FANCI: variants seen among roughly 807,000 people sequenced by gnomAD.
FANCI encodes the protein FA complementation group I, also known as Fanconi anemia group I protein.
FANCI carries 156 observed loss-of-function variants against 176.1 expected under a neutral mutation model. The ratio of observed to expected loss-of-function variants is 0.89; its 90% CI spans 0.78 to 1.01. The LOEUF (loss-of-function observed/expected upper bound fraction) is 1.01, where lower values mean the gene tolerates loss of function less well. Among genes scored for constraint, FANCI ranks in the 50% least tolerant of loss-of-function variants. FANCI has a pLI of 0.00. For missense variants in FANCI, 1,678 were observed against 1,534.1 expected (o/e 1.09, Z -1.57); for synonymous variants, 613 against 541.7 (o/e 1.13, Z -1.83).
At chr15:89,244,917 T>C (rs1193129551) in intron 1 of FANCI, among the ~76,000 whole-genome samples, 1 of 152,204 alleles carries the variant, frequency 6.6e-6, no homozygotes, top group Non-Finnish European at 1.5e-5. Flanking sequence ...GTTCAATAAT[T>C]TGTTCAACAA....
chr15:89,281,638 A>G (rs2053617992), intron 15 of FANCI, 127 bp from the exon 16 acceptor site: 2 of 921,658 alleles, frequency 2.2e-6, no homozygotes, highest in Non-Finnish European at 3.5e-6. Context: ...ACTGTAATAA[A>G]CATTAAAACG....
rs758397689 is a variant in FANCI, at chr15:89,295,145, C to G, written c.2636+51C>G. On this transcript the variant is annotated intron_variant, in intron 24 of 37. Transcript: ENST00000310775. ...CTTATTCCACTTGGCTGTGGTGTCT[C>G]CAAGAGAACAAACTGGGAACAGAGG... is the stretch of plus-strand genomic sequence containing the variant. 1.1e-5 allele frequency: 17 copies of G among 1,517,904 alleles called. No individual in the cohort carries two copies. The African/African-American group carries it at 1.7e-4, about 15-fold the overall frequency. 94.0% of individuals were successfully genotyped at this position (1,517,904 alleles called of 1,614,324 possible). A position where few individuals can be genotyped will look rare whatever the true frequency, so the allele number is the denominator to read the frequency against.
At chr15:89,314,515 TC>T in intron 35 of FANCI, 96 bp from the exon 36 acceptor site, 1 of 902,312 alleles carries the variant, frequency 1.1e-6, no homozygotes, top group African/African-American at 1.6e-5. Flanking sequence ...AGACTAGTTT[TC>T]CCCTAAAGCC....
chr15:89,268,652 T>C (rs2053074528), intron 10 of FANCI, 127 bp downstream of exon 10: 2 of 188,210 alleles, frequency 1.1e-5, no homozygotes, highest in Non-Finnish European at 1.8e-5. Context: ...GGAGGATCTC[T>C]TTTTTTTTTT....
In FANCI at chr15:89,264,559, T is replaced by C. The variant is rs750088413; in HGVS notation, c.707T>C (p.Phe236Ser). Residue 236 changes from phenylalanine (F) to serine (S), a missense_variant, in exon 9 of 38, where the codon TTC becomes TCC. Phe to Ser is a radical substitution (Grantham distance 155). Coordinates refer to ENST00000310775, the MANE Select transcript of FANCI (RefSeq NM_001113378.2). The part of the protein sequence containing the change: ...RKSVLEGIIA[F>S]FSALDKQHNE... The stretch of plus-strand genomic sequence containing the variant: ...AGTGTTTTGGAAGGAATCATAGCCT[T>C]CTTCAGTGCACTAGATAAGCAGCAC... 22 of 1,613,762 alleles carry C rather than the reference T, an allele frequency of 1.4e-5. No individual in the cohort carries two copies. The highest frequency in any genetic ancestry group is 1.7e-5 in the Non-Finnish European group (20 of 1,179,876).
chr15:89,297,550 G>A (rs1443175045), intron 24 of FANCI, among the ~76,000 whole-genome samples: 4 of 152,220 alleles, frequency 2.6e-5, no homozygotes, highest in African/African-American at 9.6e-5. Flanking sequence ...CTCGTGGTTA[G>A]GAGCTGGAGA....
intron 10 of FANCI, among the ~76,000 whole-genome samples, chr15:89,269,927 CA>C (rs2053134181): frequency 6.6e-6 from 1 of 152,022 alleles, no homozygotes; most frequent in Admixed American, 6.5e-5. Context: ...TCTCATGCCT[CA>C]GCCTCCCAAG....
In FANCI at chr15:89,300,325, G is replaced by C. The variant is rs776723670; in HGVS notation, c.2829G>C (p.Glu943Asp). The C allele has an allele frequency of 3.7e-6, 6 of 1,613,846 alleles. No individual in the cohort carries two copies. Among genetic ancestry groups the C allele is most frequent in the Non-Finnish European group, 5.1e-6 (6 of 1,179,898 alleles). ...ATGTCACAGATAAGGAAGGAGAAGAGAGAGAAGATGCAGATGTCAGTGTCA... is the reference window on the plus strand; with the variant it reads ...ATGTCACAGATAAGGAAGGAGAAGACAGAGAAGATGCAGATGTCAGTGTCA... ...ALDVTDKEGE[E>D]REDADVSVTQ... Residue 943 changes from glutamate (E) to aspartate (D), a missense_variant, in exon 26 of 38, where the codon GAG becomes GAC. Coordinates refer to ENST00000310775, the MANE Select transcript of FANCI (RefSeq NM_001113378.2).
chr15:89,311,993 C>T (rs1192914131), intron 34 of FANCI, among the ~76,000 whole-genome samples: 1 of 152,182 alleles, frequency 6.6e-6, no homozygotes, highest in African/African-American at 2.4e-5. Context: ...AGTTATTCAT[C>T]CCTCTCCAGG....
rs3803524 is a variant in FANCI, at chr15:89,283,014, T to G, written c.1584-122T>G. Reference sequence around the variant, plus strand: ...TTGAGTACATAAATTCACTTTGTTTTGCTCTACGCTTCATTGTTTATACAT... The same window carrying G: ...TTGAGTACATAAATTCACTTTGTTTGGCTCTACGCTTCATTGTTTATACAT... On this transcript the variant is annotated intron_variant, in intron 16 of 37. Coordinates refer to ENST00000310775, the MANE Select transcript of FANCI (RefSeq NM_001113378.2). 375 of 925,946 alleles carry G rather than the reference T, an allele frequency of 4.0e-4. 3 individuals carry two copies. In the East Asian group the frequency reaches 8.5e-3, roughly 21 times the overall value. 57.4% of individuals were successfully genotyped at this position (925,946 alleles called of 1,614,324 possible).
intron 35 of FANCI, among the ~76,000 whole-genome samples, chr15:89,313,973 T>TCTCACACA (rs1491452047): frequency 1.0e-5 from 1 of 98,286 alleles, no homozygotes; most frequent in African/African-American, 4.3e-5. Flanking sequence ...AGATATATAA[T>TCTCACACA]CACACACACA....
At chr15:89,297,073 T>A (rs1013437375) in intron 24 of FANCI, among the ~76,000 whole-genome samples, 1 of 149,526 alleles carries the variant, frequency 6.7e-6, no homozygotes, top group African/African-American at 2.5e-5. Flanking sequence ...GCTCCTCACT[T>A]CCCAGACGGG....
Position 89,281,822 on chromosome 15 carries a change from G to C in FANCI, c.1570G>C (p.Ala524Pro). 1 of 1,613,762 alleles carries C rather than the reference G, an allele frequency of 6.2e-7. No individual in the cohort carries two copies. Among genetic ancestry groups the C allele is most frequent in the Non-Finnish European group, 8.5e-7 (1 of 1,179,854 alleles). The part of the protein sequence containing the change: ...RDCLILVLRK[A>P]MFANQLDARK... ...CTGCTTGATACTTGTCCTTCGGAAA[G>C]CTATGTTTGCCAAGTATGTAGCATC... The change falls in exon 16 of 38, where the codon GCT (alanine) becomes CCT (proline). Residue 524 changes from alanine (A) to proline (P), a missense_variant. This residue lies in a region of FANCI where 1,204 missense variants were observed against 1,077.4 expected (regional missense o/e 1.12). Transcript: ENST00000310775.
chr15:89,293,707 TATTCATTTATA>T, intron 22 of FANCI, 115 bp from the exon 23 acceptor site: 1 of 974,184 alleles, frequency 1.0e-6, no homozygotes, highest in Non-Finnish European at 1.6e-6. Flanking sequence ...AATGAAGTTC[TATTCATTTATA>T]ATGTTACGTC....
At chr15:89,272,969 G>A (rs377760218) in intron 10 of FANCI, among the ~76,000 whole-genome samples, 6 of 152,030 alleles carry the variant, frequency 3.9e-5, no homozygotes, top group African/African-American at 1.2e-4. Flanking sequence ...ACCCGGCCAA[G>A]GGACTTACTG....
At chr15:89,260,978 G>A in intron 4 of FANCI, 135 bp downstream of exon 4, 3 of 1,162,966 alleles carry the variant, frequency 2.6e-6, no homozygotes, top group Non-Finnish European at 3.8e-6. Flanking sequence ...AAAAAACAAA[G>A]AAGCAGGCCG....
chr15:89,264,327 A>G (rs2052847925), intron 8 of FANCI, among the ~76,000 whole-genome samples, 195 bp from the exon 9 acceptor site: 1 of 152,204 alleles, frequency 6.6e-6, no homozygotes, highest in Non-Finnish European at 1.5e-5. Flanking sequence ...AGGCCCCATA[A>G]ATTCTTACAG....
rs1596347537 is a variant in FANCI, at chr15:89,316,990, T to C, written c.*531T>C. ...CATGTTAGGAGGGTCTGTTTTCTTT[T>C]TATATAAGTGTGTCTTAGATATATT... On this transcript the variant is annotated 3_prime_UTR_variant, in exon 38 of 38. Coordinates refer to ENST00000310775, the MANE Select transcript of FANCI (RefSeq NM_001113378.2). The C allele has an allele frequency of 3.0e-6, 2 of 663,558 alleles. No homozygotes were observed. Among genetic ancestry groups the C allele is most frequent in the Middle Eastern group, 2.5e-4 (1 of 3,938 alleles). 41.1% of individuals were successfully genotyped at this position (663,558 alleles called of 1,614,324 possible).
chr15:89,306,085 C>T lies in FANCI; in HGVS notation c.3428C>T (p.Thr1143Ile), dbSNP rs772071601. 9.9e-6 allele frequency: 16 copies of T among 1,614,110 alleles called. No homozygotes were observed. The Admixed American group carries it at 2.5e-4, about 25-fold the overall frequency. Residue 1143 changes from threonine (T) to isoleucine (I), a missense_variant, in exon 32 of 38, where the codon ACA becomes ATA. Coordinates refer to ENST00000310775, the MANE Select transcript of FANCI (RefSeq NM_001113378.2). ...AIIMQLGTLL[T>I]FFHELVQTAL... Reference sequence around the variant, plus strand: ...ATCATGCAACTGGGAACTCTGCTTACATTTTTCCACGAGCTGGTGCAGACA... The same window carrying T: ...ATCATGCAACTGGGAACTCTGCTTATATTTTTCCACGAGCTGGTGCAGACA...
Sources: gnomAD v4.1 joint callset for allele counts (sites outside exome capture counted in the v4.1 genomes callset) on GRCh38, gnomAD v4.1.1 for gene constraint, gnomAD v4.1.1 regional missense constraint, MANE v1.5 for transcripts, NCBI Gene and HGNC (gene_info 2026-07-23, HGNC 2026-07-21) for gene names.